ANKS1B: variants seen among roughly 807,000 people sequenced by gnomAD.
ANKS1B encodes ankyrin repeat and sterile alpha motif domain-containing protein 1B.
Under a neutral mutation model 148.3 loss-of-function variants are expected in ANKS1B, and 36 were observed. The ratio of observed to expected loss-of-function variants is 0.24; its 90% CI spans 0.19 to 0.32. The LOEUF is 0.32. ANKS1B is among the 10% of genes least tolerant of loss of function. ANKS1B has a pLI of 1.00. For synonymous variants in ANKS1B, 542 were observed against 560.8 expected, an observed-to-expected ratio of 0.97 and a Z score of 0.47; for missense variants, 1,157 against 1,542.6, an observed-to-expected ratio of 0.75 and a Z score of 4.19.
intron 1 of ANKS1B, among the ~76,000 whole-genome samples, chr12:99,975,248 T>C (rs2095612113): frequency 6.6e-6 from 1 of 152,202 alleles, no homozygotes; most frequent in Non-Finnish European, 1.5e-5. Flanking sequence ...TCGATGGCTT[T>C]ACTATTTTGG....
intron 17 of ANKS1B, among the ~76,000 whole-genome samples, chr12:99,015,381 A>G (rs2099941847): frequency 6.6e-6 from 1 of 152,138 alleles, no homozygotes. Context: ...GGATGGGAGG[A>G]GGGAGAAGAT....
chr12:99,868,703 G>A (rs911796011), intron 1 of ANKS1B, among the ~76,000 whole-genome samples: 5 of 151,866 alleles, frequency 3.3e-5, no homozygotes, highest in South Asian at 2.1e-4. Context: ...CCAACACTTC[G>A]GAAACTAATG....
At chr12:98,745,892 C>T in intron 26 of ANKS1B, 43 bp from the exon 27 acceptor site, 1 of 1,579,712 alleles carries the variant, frequency 6.3e-7, no homozygotes, top group African/African-American at 1.4e-5. Context: ...GGTCGCCGCG[C>T]GGGTGCGCGC....
chr12:99,538,882 A>C (rs2097098494), intron 9 of ANKS1B, among the ~76,000 whole-genome samples: 1 of 152,166 alleles, frequency 6.6e-6, no homozygotes, highest in South Asian at 2.1e-4. Context: ...GGTCTTTCAT[A>C]TATGGCTTTA....
In ANKS1B at chr12:99,812,151, G is replaced by A; in HGVS notation, c.372+4C>T. On this transcript the variant is annotated splice_donor_region_variant and intron_variant, in intron 3 of 26. Coordinates refer to ENST00000683438, the MANE Select transcript of ANKS1B (RefSeq NM_001352186.2). ...CATCATGAGCAAACATTTGGCAAGT[G>A]CACCTGTTCATTGACCCTGGAATGT... 1 of 1,607,002 alleles carries A rather than the reference G, an allele frequency of 6.2e-7. No homozygotes were observed. The highest frequency in any genetic ancestry group is 8.5e-7 in the Non-Finnish European group (1 of 1,175,790).
intron 10 of ANKS1B, among the ~76,000 whole-genome samples, chr12:99,498,127 C>A (rs1410759973): frequency 2.0e-5 from 3 of 152,124 alleles, no homozygotes; most frequent in African/African-American, 7.2e-5. Flanking sequence ...TTTGTTCTGG[C>A]CACTGTCATT....
At chr12:98,895,006 G>T in intron 17 of ANKS1B, 2 of 819,102 alleles carry the variant, frequency 2.4e-6, no homozygotes, top group South Asian at 5.4e-5. Flanking sequence ...CGGCGGCGGC[G>T]GCGCGTCCTC....
chr12:99,371,292 TC>T (rs1566974646), intron 12 of ANKS1B, among the ~76,000 whole-genome samples: 1 of 152,222 alleles, frequency 6.6e-6, no homozygotes, highest in East Asian at 1.9e-4. Context: ...GTATGTTGTC[TC>T]TACACATGCC....
At chr12:99,680,785 T>C (rs2098609973) in intron 8 of ANKS1B, among the ~76,000 whole-genome samples, 1 of 152,094 alleles carries the variant, frequency 6.6e-6, no homozygotes, top group South Asian at 2.1e-4. Flanking sequence ...GCTCCCTGTA[T>C]ATAAACTCAG....
chr12:99,692,187 G>C (rs1157720222), intron 8 of ANKS1B, among the ~76,000 whole-genome samples: 1 of 152,156 alleles, frequency 6.6e-6, no homozygotes. Context: ...TGGATGCTGT[G>C]AGTAAAATGG....
intron 23 of ANKS1B, chr12:98,781,632 C>G (rs906025314): frequency 1.4e-5 from 5 of 359,698 alleles, no homozygotes; most frequent in South Asian, 4.4e-5. Flanking sequence ...ATGCACCCCC[C>G]CTTTTCCTAG....
At chr12:99,975,810 T>A (rs2095619961) in intron 1 of ANKS1B, among the ~76,000 whole-genome samples, 1 of 152,174 alleles carries the variant, frequency 6.6e-6, no homozygotes, top group South Asian at 2.1e-4. Flanking sequence ...TCAAAGAACC[T>A]AAAATTGCTA....
chr12:98,922,580 C>A (rs542176867), intron 17 of ANKS1B, among the ~76,000 whole-genome samples: 1 of 152,138 alleles, frequency 6.6e-6, no homozygotes, highest in Non-Finnish European at 1.5e-5. Flanking sequence ...CTCACTGCAA[C>A]CTCTGCCTCC....
chr12:98,836,320 A>ACAAGGGCAGGTACCTC (rs1300312270), intron 17 of ANKS1B, among the ~76,000 whole-genome samples: 3 of 152,200 alleles, frequency 2.0e-5, no homozygotes, highest in Admixed American at 2.0e-4. Context: ...GCTACAGGCT[A>ACAAGGGCAGGTACCTC]CAAGGGCAGG....
At chr12:99,822,916 T>C (rs2082685668) in intron 2 of ANKS1B, among the ~76,000 whole-genome samples, 1 of 152,184 alleles carries the variant, frequency 6.6e-6, no homozygotes, top group Admixed American at 6.5e-5. Flanking sequence ...CAACAGTGAA[T>C]AAGCACTCTC....
chr12:99,627,464 G>C (rs1379580973), intron 9 of ANKS1B, among the ~76,000 whole-genome samples: 1 of 152,164 alleles, frequency 6.6e-6, no homozygotes, highest in Non-Finnish European at 1.5e-5. Context: ...TTTTACAGAT[G>C]GGGAAATGGA....
chr12:99,360,851 C>A (rs1380708398), intron 12 of ANKS1B, among the ~76,000 whole-genome samples: 2 of 151,912 alleles, frequency 1.3e-5, no homozygotes, highest in Non-Finnish European at 2.9e-5. Flanking sequence ...TGAAACACGC[C>A]AGGCACATAA....
At chr12:99,734,179 C>T (rs1339382612) in intron 8 of ANKS1B, among the ~76,000 whole-genome samples, 1 of 152,074 alleles carries the variant, frequency 6.6e-6, no homozygotes, top group Non-Finnish European at 1.5e-5. Flanking sequence ...CTCTTTACTC[C>T]TTGCTCTTGT....
chr12:99,657,660 T>TATATATATATATATATATA (rs1567580764), intron 8 of ANKS1B, among the ~76,000 whole-genome samples: 1 of 55,984 alleles, frequency 1.8e-5, no homozygotes, highest in African/African-American at 8.0e-5. Flanking sequence ...TATATATATA[T>TATATATATATATATATATA]GATAAAGTTG....
Sources: allele counts gnomAD v4.1 joint callset (sites outside exome capture counted in the v4.1 genomes callset), GRCh38; gene constraint gnomAD v4.1.1; transcripts MANE v1.5; gene names NCBI Gene and HGNC (gene_info 2026-07-23, HGNC 2026-07-21).